CPNE8: variants seen among roughly 807,000 people sequenced by gnomAD.
CPNE8 encodes the protein copine 8.
Under a neutral mutation model 81.5 loss-of-function variants are expected in CPNE8, and 45 were observed. The ratio of observed to expected loss-of-function variants is 0.55; its 90% confidence interval spans 0.44 to 0.71. The LOEUF (loss-of-function observed/expected upper bound fraction) is 0.71, where lower values mean the gene tolerates loss of function less well. CPNE8 is among the 30% of genes least tolerant of loss of function. CPNE8 has a pLI of 0.00. For missense variants in CPNE8, 594 were observed against 672.1 expected, an observed-to-expected ratio of 0.88 and a Z score of 1.28; for synonymous variants, 252 against 226.3, an observed-to-expected ratio of 1.11 and a Z score of -1.02.
chr12:38,812,142 A>T lies in CPNE8; in HGVS notation c.407+17237T>A, dbSNP rs931301864. Among the ~76,000 whole-genome samples, 8 of 152,214 alleles carry T rather than the reference A, an allele frequency of 5.3e-5. 1 individual carries two copies. The South Asian group carries it at 1.7e-3, about 32-fold the overall frequency. On this transcript the variant is annotated intron_variant, in intron 6 of 19. Coordinates refer to ENST00000331366, the MANE Select transcript of CPNE8 (RefSeq NM_153634.3). ...CTGGCAGAGACAAAGAAGATTTAAC[A>T]CAGAAGGTGGCAGGAACTGGGTCTA...
chr12:38,686,989 G>A (rs887385696), intron 15 of CPNE8, among the ~76,000 whole-genome samples: 1 of 152,146 alleles, frequency 6.6e-6, no homozygotes, highest in Admixed American at 6.5e-5. Context: ...TCCACTTCAG[G>A]AAGGGGAATA....
intron 1 of CPNE8, among the ~76,000 whole-genome samples, chr12:38,902,366 A>AAGAAAAGAAAG (rs1565670160): frequency 1.4e-4 from 12 of 86,670 alleles, no homozygotes; most frequent in African/African-American, 6.3e-4. Context: ...GAAAGAAAGA[A>AAGAAAAGAAAG]AGAAAGAAAG....
chr12:38,795,004 T>A (rs1942422874), intron 6 of CPNE8, among the ~76,000 whole-genome samples: 1 of 152,198 alleles, frequency 6.6e-6, no homozygotes, highest in Non-Finnish European at 1.5e-5. Context: ...TTCTTTCTCC[T>A]GTGCTGGATA....
chr12:38,817,718 G>C (rs1943049979), intron 6 of CPNE8, among the ~76,000 whole-genome samples: 1 of 144,972 alleles, frequency 6.9e-6, no homozygotes, highest in African/African-American at 2.5e-5. Context: ...CCGCCTCCTG[G>C]GTTCATGCCA....
intron 10 of CPNE8, among the ~76,000 whole-genome samples, chr12:38,730,723 T>C (rs1243323118): frequency 6.6e-6 from 1 of 151,564 alleles, no homozygotes; most frequent in East Asian, 1.9e-4. Flanking sequence ...TTTATTATTG[T>C]CCATATCTAT....
chr12:38,751,381 T>A (rs1941350548), intron 10 of CPNE8, among the ~76,000 whole-genome samples: 1 of 152,212 alleles, frequency 6.6e-6, no homozygotes, highest in Admixed American at 6.5e-5. Context: ...ATGGGCATCT[T>A]CTTATTATTG....
intron 5 of CPNE8, among the ~76,000 whole-genome samples, chr12:38,832,349 T>C (rs1943301108): frequency 6.6e-6 from 1 of 152,188 alleles, no homozygotes; most frequent in Non-Finnish European, 1.5e-5. Context: ...AGTCATTTCC[T>C]TTTCCAGCTC....
chr12:38,776,110 T>C, intron 7 of CPNE8, 128 bp downstream of exon 7: 1 of 397,058 alleles, frequency 2.5e-6, no homozygotes, highest in Non-Finnish European at 4.6e-6. Context: ...TAAAATGATA[T>C]TTTATGGGTT....
At chr12:38,751,157 G>A (rs1941346588) in intron 10 of CPNE8, among the ~76,000 whole-genome samples, 1 of 152,164 alleles carries the variant, frequency 6.6e-6, no homozygotes, top group Non-Finnish European at 1.5e-5. Flanking sequence ...CCAGCCACTT[G>A]GAATTGTATG....
chr12:38,769,191 C>A (rs1427062848), intron 7 of CPNE8, among the ~76,000 whole-genome samples: 5 of 152,124 alleles, frequency 3.3e-5, no homozygotes, highest in Admixed American at 6.5e-5. Flanking sequence ...TTCTTAATTT[C>A]ACATTTTCAA....
At chr12:38,811,691 C>A (rs1458281060) in intron 6 of CPNE8, among the ~76,000 whole-genome samples, 3 of 152,078 alleles carry the variant, frequency 2.0e-5, no homozygotes, top group Non-Finnish European at 4.4e-5. Flanking sequence ...TATGTCTCTA[C>A]AAGAAACAAA....
chr12:38,895,744 CT>C (rs1944380290), intron 1 of CPNE8, among the ~76,000 whole-genome samples: 1 of 152,010 alleles, frequency 6.6e-6, no homozygotes, highest in Admixed American at 6.6e-5. Context: ...ATCTCCTAAG[CT>C]TTATAATTTC....
intron 6 of CPNE8, among the ~76,000 whole-genome samples, chr12:38,806,812 T>G (rs548014210): frequency 6.7e-6 from 1 of 149,596 alleles, no homozygotes; most frequent in African/African-American, 2.4e-5. Flanking sequence ...GAAGTCAAAT[T>G]GTCCCTGTTT....
chr12:38,809,630 T>C (rs906802163), intron 6 of CPNE8, among the ~76,000 whole-genome samples: 6 of 152,154 alleles, frequency 3.9e-5, no homozygotes, highest in Non-Finnish European at 7.3e-5. Context: ...TGATCCATGG[T>C]CCTCCCATAT....
chr12:38,760,979 A>C (rs1941560805), intron 9 of CPNE8, 91 bp from the exon 10 acceptor site: 3 of 977,882 alleles, frequency 3.1e-6, no homozygotes, highest in Non-Finnish European at 3.1e-6. Flanking sequence ...TTTTTCTTAG[A>C]TAAAACAATG....
At chr12:38,708,381 A>C (rs1940166609) in intron 13 of CPNE8, among the ~76,000 whole-genome samples, 1 of 151,948 alleles carries the variant, frequency 6.6e-6, no homozygotes, top group Admixed American at 6.6e-5. Flanking sequence ...CAAAGTAAAA[A>C]AAAAATCCAA....
intron 7 of CPNE8, among the ~76,000 whole-genome samples, chr12:38,769,348 C>T (rs1197277892): frequency 2.0e-5 from 3 of 152,120 alleles, no homozygotes; most frequent in Non-Finnish European, 2.9e-5. Context: ...ATCACTATCA[C>T]CTCAAACCTC....
At chr12:38,795,956 T>C (rs1005583943) in intron 6 of CPNE8, among the ~76,000 whole-genome samples, 5 of 152,098 alleles carry the variant, frequency 3.3e-5, no homozygotes, top group Admixed American at 1.3e-4. Flanking sequence ...CAAGACTGTG[T>C]AACATTTTAA....
chr12:38,730,292 G>A lies in CPNE8; in HGVS notation c.789C>T (p.Asn263=), dbSNP rs35598213. Residue 263 remains asparagine (N), a synonymous_variant, in exon 11 of 20, where the codon AAC becomes AAT. Coordinates refer to ENST00000331366, the MANE Select transcript of CPNE8 (RefSeq NM_153634.3). ...RELSRGQSQF[N]VYEVVNPKKK... is the part of the protein sequence containing the mutation. ...ATAAAATGCCTCTTACCTCATATAC[G>A]TTGAATTGTGACTGCCCTCTAGAAA... is the stretch of plus-strand genomic sequence containing the variant. 0.015 allele frequency: 24,272 copies of A among 1,570,478 alleles called. 379 individuals are homozygous for A. The highest frequency in any genetic ancestry group is 0.051 in the South Asian group (4,586 of 89,594).
Sources: allele counts gnomAD v4.1 joint callset (sites outside exome capture counted in the v4.1 genomes callset), GRCh38; gene constraint gnomAD v4.1.1; transcripts MANE v1.5; gene names NCBI Gene and HGNC (gene_info 2026-07-23, HGNC 2026-07-21).